The following RAPGEF4 variants were observed in gnomAD, a reference collection of about 807,000 sequenced individuals.
RAPGEF4 encodes the protein Rap guanine nucleotide exchange factor 4.
Under a neutral mutation model 147.9 loss-of-function variants are expected in RAPGEF4, and 66 were observed. That is an observed-to-expected ratio of 0.45 (90% confidence interval 0.37 to 0.55). RAPGEF4 has a LOEUF of 0.55. Among genes scored for constraint, RAPGEF4 ranks in the 20% least tolerant of loss-of-function variants. The pLI is 0.00. For missense variants in RAPGEF4, 1,071 were observed against 1,257.3 expected (o/e 0.85, Z 2.24); for synonymous variants, 419 against 442.7 (o/e 0.95, Z 0.67).
At chr2:173,017,618 C>G (rs1695629636) in intron 21 of RAPGEF4, 114 bp downstream of exon 21, 2 of 1,026,744 alleles carry the variant, frequency 1.9e-6, no homozygotes, top group South Asian at 3.1e-5. Context: ...CTGTTGCCCT[C>G]CAGATGGTTT....
chr2:172,835,969 T>A (rs1046959311), intron 4 of RAPGEF4, among the ~76,000 whole-genome samples: 2 of 152,176 alleles, frequency 1.3e-5, no homozygotes, highest in Non-Finnish European at 2.9e-5. Context: ...TCTTCCAATC[T>A]CTTTCTGGCT....
At chr2:173,000,910 A>T (rs1212634389) in intron 16 of RAPGEF4, among the ~76,000 whole-genome samples, 1 of 152,134 alleles carries the variant, frequency 6.6e-6, no homozygotes, top group Admixed American at 6.5e-5. Flanking sequence ...AAAAACAAAT[A>T]CGGTATAGAC....
chr2:172,800,295 C>T (rs1250152082), intron 3 of RAPGEF4, among the ~76,000 whole-genome samples: 1 of 152,142 alleles, frequency 6.6e-6, no homozygotes, highest in Non-Finnish European at 1.5e-5. Context: ...AAACAGGGCC[C>T]AGCTTTCCAG....
intron 4 of RAPGEF4, among the ~76,000 whole-genome samples, chr2:172,841,053 C>G (rs917920249): frequency 1.3e-5 from 2 of 152,094 alleles, no homozygotes; most frequent in Non-Finnish European, 2.9e-5. Context: ...AGTGATAGAC[C>G]CTCTCCCCAG....
At chr2:172,897,409 T>G (rs2553015) in intron 4 of RAPGEF4, among the ~76,000 whole-genome samples, 98,418 of 151,328 alleles carry the variant, frequency 0.65, 32,199 homozygotes, top group South Asian at 0.74. Flanking sequence ...TATATATATA[T>G]AGAGAGAGAG....
chr2:172,879,549 G>T (rs1051630883), intron 4 of RAPGEF4, among the ~76,000 whole-genome samples: 4 of 152,124 alleles, frequency 2.6e-5, no homozygotes, highest in African/African-American at 9.7e-5. Context: ...CAATAAGGAT[G>T]AATTACTTTG....
rs1381635401 is a variant in RAPGEF4, at chr2:172,806,015, C to CTCTG, written c.298-8263_298-8262insCTGT. On this transcript the variant is annotated intron_variant, in intron 3 of 30. Coordinates refer to ENST00000397081, the MANE Select transcript of RAPGEF4 (RefSeq NM_007023.4). ...TCTCATTGTATCAGATATTATCCGG[C>CTCTG]TGTGTGTGTGTGTGTGTGTGTGTGT... Among the ~76,000 whole-genome samples, 1,327 of 145,384 alleles carry CTCTG rather than the reference C, an allele frequency of 9.1e-3. 10 individuals are homozygous for CTCTG. The highest frequency in any genetic ancestry group is 0.012 in the Non-Finnish European group (819 of 66,264).
At chr2:172,873,719 GCTT>G (rs1695514948) in intron 4 of RAPGEF4, among the ~76,000 whole-genome samples, 1 of 152,140 alleles carries the variant, frequency 6.6e-6, no homozygotes, top group Non-Finnish European at 1.5e-5. Flanking sequence ...AAACTAAAGA[GCTT>G]CTGCACAGCA....
intron 1 of RAPGEF4, among the ~76,000 whole-genome samples, chr2:172,791,943 G>A (rs1685870677): frequency 6.6e-6 from 1 of 152,190 alleles, no homozygotes; most frequent in Non-Finnish European, 1.5e-5. Flanking sequence ...CTTTCTTTGT[G>A]GAAGATGGAT....
At chr2:172,956,901 G>A (rs1688800884) in intron 6 of RAPGEF4, among the ~76,000 whole-genome samples, 1 of 152,198 alleles carries the variant, frequency 6.6e-6, no homozygotes, top group African/African-American at 2.4e-5. Context: ...TGATGACCTA[G>A]AAGAGCTTGG....
At chr2:172,890,868 GC>G (rs1200827192) in intron 4 of RAPGEF4, among the ~76,000 whole-genome samples, 1 of 152,234 alleles carries the variant, frequency 6.6e-6, no homozygotes, top group African/African-American at 2.4e-5. Flanking sequence ...GGTGGCTCAC[GC>G]CTGTAATCCT....
chr2:172,855,923 G>T (rs1483005067), intron 4 of RAPGEF4, among the ~76,000 whole-genome samples: 1 of 151,926 alleles, frequency 6.6e-6, no homozygotes, highest in African/African-American at 2.4e-5. Flanking sequence ...GATGTGCCTT[G>T]GCATGGGTCT....
chr2:172,843,263 G>A (rs1356224756), intron 4 of RAPGEF4, among the ~76,000 whole-genome samples: 1 of 152,112 alleles, frequency 6.6e-6, no homozygotes, highest in East Asian at 1.9e-4. Flanking sequence ...AGAGGAAAAG[G>A]GGAAAATAGG....
chr2:172,939,308 A>G (rs1212359495), intron 6 of RAPGEF4, among the ~76,000 whole-genome samples: 1 of 152,172 alleles, frequency 6.6e-6, no homozygotes, highest in Non-Finnish European at 1.5e-5. Flanking sequence ...TTTGTTCTGC[A>G]TCCTTGCCAG....
chr2:172,911,674 G>C (rs993709524), intron 4 of RAPGEF4, among the ~76,000 whole-genome samples: 4 of 151,236 alleles, frequency 2.6e-5, no homozygotes, highest in African/African-American at 9.7e-5. Context: ...GGCCAGGCAG[G>C]TCTCAAACTC....
At chr2:172,816,527 A>G (rs1257647445) in intron 4 of RAPGEF4, among the ~76,000 whole-genome samples, 4 of 152,228 alleles carry the variant, frequency 2.6e-5, no homozygotes, top group Non-Finnish European at 4.4e-5. Context: ...TGTTGATGCT[A>G]CGTTTGATCC....
chr2:172,841,335 A>G (rs938013038), intron 4 of RAPGEF4, among the ~76,000 whole-genome samples: 1 of 151,948 alleles, frequency 6.6e-6, no homozygotes, highest in African/African-American at 2.4e-5. Context: ...GCTCCCCTTT[A>G]TCTTCCGCCA....
At chr2:172,985,315 A>T (rs1162394576) in intron 11 of RAPGEF4, 118 bp from the exon 12 acceptor site, 2 of 1,357,866 alleles carry the variant, frequency 1.5e-6, no homozygotes, top group African/African-American at 2.9e-5. Context: ...GAGAGGTGAG[A>T]GATGACTGCA....
chr2:173,014,664 G>A (rs1695342864), intron 18 of RAPGEF4, 50 bp downstream of exon 18: 5 of 1,567,568 alleles, frequency 3.2e-6, no homozygotes, highest in Admixed American at 1.8e-5. Flanking sequence ...CTGCAATACA[G>A]GGACCTACTT....
Sources: gnomAD v4.1 joint callset for allele counts (sites outside exome capture counted in the v4.1 genomes callset) on GRCh38, gnomAD v4.1.1 for gene constraint, MANE v1.5 for transcripts, NCBI Gene and HGNC (gene_info 2026-07-23, HGNC 2026-07-21) for gene names.